The following FIRRM variants were observed in gnomAD, a reference collection of about 807,000 sequenced individuals.
FIRRM encodes the protein FIGNL1-interacting regulator of recombination and mitosis.
At chr1:169,787,319 C>T in the FIRRM span, among the ~76,000 whole-genome samples, 1 of 152,150 alleles carries the variant, frequency 6.6e-6, no homozygotes, top group Non-Finnish European at 1.5e-5. Context: ...TGGGCTTTCT[C>T]TTATGCCCAC....
the FIRRM span, chr1:169,854,058 G>T: frequency 5.0e-5 from 29 of 576,414 alleles, no homozygotes; most frequent in Non-Finnish European, 8.0e-5. Flanking sequence ...AAATAAAAAG[G>T]TTACAATAGC....
At chr1:169,805,325 A>T in the FIRRM span, among the ~76,000 whole-genome samples, 1 of 152,238 alleles carries the variant, frequency 6.6e-6, no homozygotes, top group African/African-American at 2.4e-5. Context: ...CTGTTGGCAG[A>T]GGCAGAAGTA....
chr1:169,811,693 CA>C, the FIRRM span, among the ~76,000 whole-genome samples: 2 of 129,090 alleles, frequency 1.5e-5, no homozygotes, highest in Non-Finnish European at 3.4e-5. Flanking sequence ...AGATAATAGA[CA>C]GATTATCTAA....
At chr1:169,827,067 C>G in the FIRRM span, 1 of 1,612,504 alleles carries the variant, frequency 6.2e-7, no homozygotes, top group Non-Finnish European at 8.5e-7. Flanking sequence ...TCCTCCAAGC[C>G]TTTATGCTAC....
the FIRRM span, among the ~76,000 whole-genome samples, chr1:169,824,997 C>T: frequency 6.6e-6 from 1 of 152,196 alleles, no homozygotes; most frequent in Non-Finnish European, 1.5e-5. Context: ...TTTGTAACTT[C>T]TTTATTTCAG....
At chr1:169,837,747 AG>A in the FIRRM span, among the ~76,000 whole-genome samples, 1 of 152,220 alleles carries the variant, frequency 6.6e-6, no homozygotes, top group Non-Finnish European at 1.5e-5. Flanking sequence ...TGAGCTTAGC[AG>A]TGGACAGTAA....
the FIRRM span, among the ~76,000 whole-genome samples, chr1:169,807,517 A>G: frequency 1.3e-3 from 200 of 152,288 alleles, no homozygotes; most frequent in African/African-American, 4.6e-3. Context: ...GATTGTGTCC[A>G]TTTGTTTGAC....
chr1:169,841,943 C>T, the FIRRM span, among the ~76,000 whole-genome samples: 2 of 151,824 alleles, frequency 1.3e-5, no homozygotes, highest in Non-Finnish European at 2.9e-5. Flanking sequence ...TTTGGGAGGC[C>T]GAGGCTGGCA....
chr1:169,842,688 T>A, the FIRRM span: 5 of 835,358 alleles, frequency 6.0e-6, no homozygotes, highest in Non-Finnish European at 9.0e-6. Context: ...GTACCTGTAC[T>A]CTCTCACGCA....
chr1:169,847,630 T>C, the FIRRM span: 22 of 1,212,316 alleles, frequency 1.8e-5, no homozygotes, highest in South Asian at 2.4e-4. Flanking sequence ...TAGGCAGTTA[T>C]TGTGTCTGTA....
the FIRRM span, among the ~76,000 whole-genome samples, chr1:169,824,804 T>G: frequency 6.6e-6 from 1 of 152,222 alleles, no homozygotes; most frequent in Admixed American, 6.5e-5. Flanking sequence ...TCTTCTAAGT[T>G]AAGTGTGTCC....
the FIRRM span, among the ~76,000 whole-genome samples, chr1:169,797,600 G>C: frequency 6.6e-6 from 1 of 152,148 alleles, no homozygotes; most frequent in Non-Finnish European, 1.5e-5. Context: ...TGTCACCCAG[G>C]CTGGAGTGCA....
chr1:169,805,959 CA>C, the FIRRM span: 3 of 1,143,034 alleles, frequency 2.6e-6, no homozygotes, highest in South Asian at 4.0e-5. Context: ...AACTCACCCC[CA>C]TGACATTTGG....
the FIRRM span, among the ~76,000 whole-genome samples, chr1:169,843,358 A>G: frequency 6.6e-6 from 1 of 152,236 alleles, no homozygotes; most frequent in Non-Finnish European, 1.5e-5. Context: ...ACTAAGGAAC[A>G]TACAAGCCTT....
chr1:169,807,840 G>T, the FIRRM span: 27 of 1,607,474 alleles, frequency 1.7e-5, no homozygotes, highest in Non-Finnish European at 2.2e-5. Context: ...GAAACACAAA[G>T]ATATAATTAC....
chr1:169,798,578 CCTCT>C, the FIRRM span, among the ~76,000 whole-genome samples: 3 of 151,688 alleles, frequency 2.0e-5, no homozygotes, highest in Admixed American at 6.6e-5. Flanking sequence ...CGAGCGAGAC[CCTCT>C]CTCTAAAAAA....
chr1:169,820,689 A>G, the FIRRM span, among the ~76,000 whole-genome samples: 1 of 152,126 alleles, frequency 6.6e-6, no homozygotes, highest in African/African-American at 2.4e-5. Context: ...CTCTAACCCA[A>G]TCCTCTTCAT....
At chr1:169,850,535 T>C in the FIRRM span, 1 of 494,930 alleles carries the variant, frequency 2.0e-6, no homozygotes, top group Non-Finnish European at 3.6e-6. Context: ...CGGCGGCTCA[T>C]GCCTGTAATC....
At chr1:169,792,649 G>T in the FIRRM span, 6 of 1,609,840 alleles carry the variant, frequency 3.7e-6, no homozygotes, top group South Asian at 5.6e-5. Context: ...TGAGTATTCT[G>T]GTCTTAAAAA....
Sources: allele counts gnomAD v4.1 joint callset (sites outside exome capture counted in the v4.1 genomes callset), GRCh38; gene constraint gnomAD v4.1.1; transcripts MANE v1.5; gene names NCBI Gene and HGNC (gene_info 2026-07-23, HGNC 2026-07-21).